Variants in DGKB observed in about 807,000 individuals in gnomAD.
The protein encoded by DGKB is 90 kDa diacylglycerol kinase.
Under a neutral mutation model 114.3 loss-of-function variants are expected in DGKB, and 67 were observed. The ratio of observed to expected loss-of-function variants is 0.59; its 90% confidence interval spans 0.48 to 0.72. The LOEUF is 0.72. Ranked by LOEUF, DGKB falls within the 30% of genes least tolerant of loss-of-function variation. The probability of loss-of-function intolerance (pLI) is 0.00; values close to 1 mark genes in which losing one functional copy is unlikely to be tolerated. For synonymous variants in DGKB, 398 were observed against 323.1 expected, an observed-to-expected ratio of 1.23 and a Z score of -2.49; for missense variants, 907 against 975.2, an observed-to-expected ratio of 0.93 and a Z score of 0.93.
At chr7:14,882,870 T>G (rs1214339890) in intron 1 of DGKB, among the ~76,000 whole-genome samples, 1 of 152,024 alleles carries the variant, frequency 6.6e-6, no homozygotes, top group Non-Finnish European at 1.5e-5. Flanking sequence ...TGCTTATTTA[T>G]CTCATCTGCT....
intron 20 of DGKB, among the ~76,000 whole-genome samples, chr7:14,561,610 G>A (rs1796670170): frequency 6.6e-6 from 1 of 152,154 alleles, no homozygotes; most frequent in African/African-American, 2.4e-5. Flanking sequence ...AGTCTCAGAT[G>A]GAGATGAGAA....
intron 23 of DGKB, among the ~76,000 whole-genome samples, chr7:14,270,393 A>AGTC (rs2128430955): frequency 1.3e-5 from 2 of 152,274 alleles, no homozygotes; most frequent in East Asian, 3.9e-4. Flanking sequence ...TTAGCTTCTA[A>AGTC]GTCACTGGTC....
intron 21 of DGKB, among the ~76,000 whole-genome samples, chr7:14,379,988 C>T (rs1276881326): frequency 1.3e-5 from 2 of 152,054 alleles, no homozygotes; most frequent in Admixed American, 1.3e-4. Context: ...TGTGAGGCTG[C>T]AGTCAGGAAT....
At chr7:14,642,888 T>C (rs544303071) in intron 13 of DGKB, among the ~76,000 whole-genome samples, 1 of 152,312 alleles carries the variant, frequency 6.6e-6, no homozygotes, top group South Asian at 2.1e-4. Flanking sequence ...ATACTCTTTG[T>C]TTTAAGTCTA....
At chr7:14,375,561 T>C (rs1474274895) in intron 21 of DGKB, among the ~76,000 whole-genome samples, 1 of 152,222 alleles carries the variant, frequency 6.6e-6, no homozygotes, top group Non-Finnish European at 1.5e-5. Context: ...TGCTGTTCCC[T>C]CTGCTGGGAA....
chr7:14,580,119 G>A (rs142263989), intron 19 of DGKB, among the ~76,000 whole-genome samples: 1 of 152,144 alleles, frequency 6.6e-6, no homozygotes, highest in East Asian at 1.9e-4. Flanking sequence ...CTACTCCATC[G>A]ACACTATTTC....
intron 4 of DGKB, among the ~76,000 whole-genome samples, chr7:14,736,811 G>A (rs547765292): frequency 6.6e-6 from 1 of 152,138 alleles, no homozygotes; most frequent in South Asian, 2.1e-4. Flanking sequence ...TAAATGATTA[G>A]ACATTTATTT....
At chr7:14,592,033 C>T (rs998284251) in intron 17 of DGKB, among the ~76,000 whole-genome samples, 7 of 151,564 alleles carry the variant, frequency 4.6e-5, no homozygotes, top group Non-Finnish European at 7.4e-5. Context: ...AAAATACTAT[C>T]GCTTACATAC....
chr7:14,763,621 A>G (rs1325688623), intron 2 of DGKB, among the ~76,000 whole-genome samples: 1 of 152,094 alleles, frequency 6.6e-6, no homozygotes, highest in East Asian at 1.9e-4. Context: ...GAACCTCATT[A>G]TTACAACAGC....
Position 14,177,984 on chromosome 7 carries a change from G to C in DGKB, c.2243+47C>G, listed in dbSNP as rs56011835. ...TTCTGCATACTTTTAATTAGTTTGA[G>C]GCTATGCCATATCAAACGCCTTTGT... On this transcript the variant is annotated intron_variant, in intron 24 of 25. Transcript: ENST00000402815. The C allele has an allele frequency of 6.5e-3, 9,854 of 1,506,102 alleles. 41 individuals are homozygous for C. The highest frequency in any genetic ancestry group is 7.6e-3 in the Non-Finnish European group (8,621 of 1,133,422). The allele number at this position is 1,506,102 out of a possible 1,614,324, so 93.3% of individuals were successfully genotyped here. A position where few individuals can be genotyped will look rare whatever the true frequency, so the allele number is the denominator to read the frequency against.
intron 22 of DGKB, among the ~76,000 whole-genome samples, chr7:14,344,737 A>C (rs1362266563): frequency 3.3e-5 from 5 of 151,034 alleles, no homozygotes; most frequent in African/African-American, 9.7e-5. Context: ...TATTTGCTCC[A>C]AGTCTTTTTA....
At chr7:14,872,763 C>T (rs980507291) in intron 1 of DGKB, among the ~76,000 whole-genome samples, 1 of 151,028 alleles carries the variant, frequency 6.6e-6, no homozygotes, top group Non-Finnish European at 1.5e-5. Context: ...GGACCTGCTT[C>T]CTAAAATTCT....
chr7:14,747,769 C>CCGCG (rs746360842), intron 4 of DGKB, among the ~76,000 whole-genome samples: 7,231 of 92,804 alleles, frequency 0.078, 558 homozygotes, highest in African/African-American at 0.34. Flanking sequence ...TCAAACACAT[C>CCGCG]CACGCGCACG....
chr7:14,504,501 A>G lies in DGKB; in HGVS notation c.1771-26276T>C, dbSNP rs187625667. ...GCATGTAGAAATGAACTTGTTGACT[A>G]TTTTTTCCCTATAGCTTTTGCTTTG... On this transcript the variant is annotated intron_variant, in intron 20 of 25. Transcript: ENST00000402815. Among the ~76,000 whole-genome samples the G allele has an allele frequency of 4.3e-4, 66 of 152,160 alleles. 2 individuals are homozygous for G. The South Asian group carries it at 5.4e-3, about 12-fold the overall frequency.
At chr7:14,270,674 T>C (rs1798145730) in intron 23 of DGKB, among the ~76,000 whole-genome samples, 1 of 152,238 alleles carries the variant, frequency 6.6e-6, no homozygotes, top group African/African-American at 2.4e-5. Flanking sequence ...TAAGAAAACA[T>C]ATACATAAGA....
At chr7:14,799,747 C>G (rs1230313189) in intron 2 of DGKB, among the ~76,000 whole-genome samples, 1 of 152,124 alleles carries the variant, frequency 6.6e-6, no homozygotes, top group Admixed American at 6.6e-5. Flanking sequence ...CCCAGAATAA[C>G]AGAAGGCTTT....
chr7:14,867,313 CTAAG>C (rs1424508166), intron 1 of DGKB, among the ~76,000 whole-genome samples: 1 of 152,042 alleles, frequency 6.6e-6, no homozygotes, highest in Non-Finnish European at 1.5e-5. Context: ...TCAAGGTCAT[CTAAG>C]TATTCTCTTA....
At chr7:14,659,502 T>C (rs961470306) in intron 13 of DGKB, among the ~76,000 whole-genome samples, 3 of 149,852 alleles carry the variant, frequency 2.0e-5, no homozygotes, top group Non-Finnish European at 4.4e-5. Flanking sequence ...CAGTTGTGAA[T>C]GGGAGTTCAC....
chr7:14,939,175 A>G (rs1785427474), intron 1 of DGKB, among the ~76,000 whole-genome samples: 1 of 152,286 alleles, frequency 6.6e-6, no homozygotes, highest in South Asian at 2.1e-4. Flanking sequence ...TACTTTGTAC[A>G]TAGTATGTAC....
Sources: allele counts gnomAD v4.1 joint callset (sites outside exome capture counted in the v4.1 genomes callset), GRCh38; gene constraint gnomAD v4.1.1; transcripts MANE v1.5; gene names NCBI Gene and HGNC (gene_info 2026-07-23, HGNC 2026-07-21).